The following CNTNAP5 variants were observed in gnomAD, a reference collection of about 807,000 sequenced individuals.
The protein encoded by CNTNAP5 is contactin-associated protein-like 5.
In CNTNAP5, 72 loss-of-function variants were observed where a neutral mutation model predicts 150.2. The ratio of observed to expected loss-of-function variants is 0.48; its 90% CI spans 0.40 to 0.58. The LOEUF (loss-of-function observed/expected upper bound fraction) is 0.58. Ranked by LOEUF, CNTNAP5 falls within the 20% of genes least tolerant of loss-of-function variation. CNTNAP5 has a pLI of 0.00. For missense variants in CNTNAP5, 1,636 were observed against 1,626.2 expected (o/e 1.01, Z -0.10); for synonymous variants, 672 against 619.8 (o/e 1.08, Z -1.25).
intron 1 of CNTNAP5, among the ~76,000 whole-genome samples, chr2:124,126,392 G>T (rs894407067): frequency 6.7e-6 from 1 of 148,962 alleles, no homozygotes; most frequent in Non-Finnish European, 1.5e-5. Context: ...CCAATAATGG[G>T]CTCTGAAATT....
At chr2:124,778,626 A>G (rs1237695363) in intron 17 of CNTNAP5, 4 of 153,722 alleles carry the variant, frequency 2.6e-5, no homozygotes, top group African/African-American at 4.8e-5. Flanking sequence ...AGACAGGAAC[A>G]CATTTTCATA....
intron 14 of CNTNAP5, among the ~76,000 whole-genome samples, chr2:124,756,436 C>T (rs894610700): frequency 4.1e-4 from 63 of 152,126 alleles, no homozygotes; most frequent in African/African-American, 1.4e-3. Context: ...GGAATAGAAA[C>T]CATTTTATGA....
chr2:124,498,005 C>T (rs966857824), intron 7 of CNTNAP5, among the ~76,000 whole-genome samples: 16 of 152,322 alleles, frequency 1.1e-4, no homozygotes, highest in Middle Eastern at 6.8e-3. Context: ...CATGACACTC[C>T]TGTCCATCAG....
intron 1 of CNTNAP5, among the ~76,000 whole-genome samples, chr2:124,155,082 T>C (rs1018019138): frequency 6.6e-6 from 1 of 150,536 alleles, no homozygotes; most frequent in Non-Finnish European, 1.5e-5. Context: ...CCCGTTTTTT[T>C]TTTTTTTTTT....
intron 3 of CNTNAP5, among the ~76,000 whole-genome samples, chr2:124,348,873 G>A (rs923418866): frequency 6.6e-6 from 1 of 152,014 alleles, no homozygotes; most frequent in Admixed American, 6.5e-5. Flanking sequence ...GTGTCAAGCT[G>A]TTTCTTATCT....
chr2:124,520,106 G>A (rs1694818663), intron 8 of CNTNAP5, among the ~76,000 whole-genome samples: 1 of 152,108 alleles, frequency 6.6e-6, no homozygotes, highest in Non-Finnish European at 1.5e-5. Flanking sequence ...TGTGGTGTTA[G>A]TTTTTAACAA....
intron 13 of CNTNAP5, among the ~76,000 whole-genome samples, chr2:124,658,537 A>G (rs528897017): frequency 6.6e-6 from 1 of 152,146 alleles, no homozygotes; most frequent in South Asian, 2.1e-4. Context: ...CAAGCTTATG[A>G]AATGTGCTAA....
intron 7 of CNTNAP5, among the ~76,000 whole-genome samples, chr2:124,486,451 A>G (rs1415212203): frequency 4.6e-5 from 7 of 152,238 alleles, no homozygotes; most frequent in Non-Finnish European, 1.0e-4. Context: ...AACTATTGAA[A>G]TAACACTTTT....
chr2:124,101,601 G>T (rs1000356520), intron 1 of CNTNAP5, among the ~76,000 whole-genome samples: 2 of 152,238 alleles, frequency 1.3e-5, no homozygotes. Context: ...TTGGCCCAGA[G>T]GTAGGCAGTA....
At chr2:124,162,213 A>C (rs934750775) in intron 1 of CNTNAP5, among the ~76,000 whole-genome samples, 5 of 152,190 alleles carry the variant, frequency 3.3e-5, no homozygotes, top group Non-Finnish European at 7.3e-5. Context: ...GTACTCAATA[A>C]ATGTTGGGTT....
At chr2:124,512,427 C>T (rs1694613767) in intron 8 of CNTNAP5, among the ~76,000 whole-genome samples, 1 of 152,096 alleles carries the variant, frequency 6.6e-6, no homozygotes, top group African/African-American at 2.4e-5. Context: ...GGCGCTGGCA[C>T]CACTTGCTCA....
At chr2:124,436,146 G>A (rs897970209) in intron 5 of CNTNAP5, among the ~76,000 whole-genome samples, 1 of 152,196 alleles carries the variant, frequency 6.6e-6, no homozygotes, top group Non-Finnish European at 1.5e-5. Context: ...AGCATTGTGT[G>A]TTGGGGGTAC....
intron 1 of CNTNAP5, among the ~76,000 whole-genome samples, chr2:124,084,580 G>C (rs1682633750): frequency 6.6e-6 from 1 of 151,672 alleles, no homozygotes; most frequent in Non-Finnish European, 1.5e-5. Context: ...GTAGATTCTT[G>C]ACTTATTGCA....
rs577361290 is a variant in CNTNAP5 at position 124,296,911 on chromosome 2, G to A, written c.381+54518G>A. On this transcript the variant is annotated intron_variant, in intron 3 of 23. Coordinates refer to ENST00000682447, the MANE Select transcript of CNTNAP5 (RefSeq NM_001367498.1). ...ACTCAACAGTCCCCAGCCTGCAGCCGTTCTGCAATCCTGTTCAGCAAACGT... is the reference window on the plus strand; with the variant it reads ...ACTCAACAGTCCCCAGCCTGCAGCCATTCTGCAATCCTGTTCAGCAAACGT... Among the ~76,000 whole-genome samples the A allele has an allele frequency of 2.3e-3, 345 of 152,254 alleles. 1 individual carries two copies. The highest frequency in any genetic ancestry group is 8.0e-3 in the African/African-American group (333 of 41,550).
chr2:124,647,794 C>T lies in CNTNAP5; in HGVS notation c.1913C>T (p.Thr638Ile), dbSNP rs907277738. Residue 638 changes from threonine (T) to isoleucine (I), a missense_variant, in exon 13 of 24, where the codon ACA (threonine) becomes ATA (isoleucine). Thr to Ile is a moderately conservative substitution (Grantham distance 89). Transcript: ENST00000682447. ...TGGACATCAGTGCAGCACAACAATA[C>T]AGAGCTGACCCGAGTGCGGGGCGCT... ...KIWTSVQHNN[T>I]ELTRVRGANP... 3.7e-6 allele frequency: 6 copies of T among 1,612,202 alleles called. No homozygotes were observed. Among genetic ancestry groups the T allele is most frequent in the Non-Finnish European group, 5.1e-6 (6 of 1,178,900 alleles).
chr2:124,271,217 A>G (rs1003101869), intron 3 of CNTNAP5, among the ~76,000 whole-genome samples: 1 of 152,196 alleles, frequency 6.6e-6, no homozygotes, highest in African/African-American at 2.4e-5. Flanking sequence ...GTAGATTTTT[A>G]AATGCACAGT....
intron 1 of CNTNAP5, among the ~76,000 whole-genome samples, chr2:124,146,590 G>A (rs1321900021): frequency 6.6e-5 from 10 of 151,726 alleles, no homozygotes; most frequent in Non-Finnish European, 1.2e-4. Context: ...TTATATGTGG[G>A]GATCTTATGA....
rs1558884191 is a variant in CNTNAP5, at chr2:124,400,684, T to TTG, written c.382-16758_382-16757insGT. Among the ~76,000 whole-genome samples, 25 of 130,450 alleles carry TTG rather than the reference T, an allele frequency of 1.9e-4. 1 individual carries two copies. The highest frequency in any genetic ancestry group is 5.7e-4 in the African/African-American group (21 of 36,670). The allele number at this position is 130,450 out of a possible 152,430, so 85.6% of individuals were successfully genotyped here. A position where few individuals can be genotyped will look rare whatever the true frequency, so the allele number is the denominator to read the frequency against. ...TAAAGGCATTGTTTTTTTTTTTTTT[T>TTG]TTTTGTTTTTTTTCTTTAGTGGAAT... On this transcript the variant is annotated intron_variant, in intron 3 of 23. Transcript: ENST00000682447.
intron 17 of CNTNAP5, among the ~76,000 whole-genome samples, chr2:124,776,203 T>C (rs929690789): frequency 2.0e-5 from 3 of 152,050 alleles, no homozygotes; most frequent in Admixed American, 6.6e-5. Flanking sequence ...AATTATAGAG[T>C]GGAAATCTTG....
Sources: gnomAD v4.1 joint callset for allele counts (sites outside exome capture counted in the v4.1 genomes callset) on GRCh38, gnomAD v4.1.1 for gene constraint, MANE v1.5 for transcripts, NCBI Gene and HGNC (gene_info 2026-07-23, HGNC 2026-07-21) for gene names.